Variants in KBTBD3 observed in about 807,000 individuals in gnomAD.
KBTBD3 encodes the protein kelch repeat and BTB domain containing 3, also known as kelch repeat and BTB domain-containing protein 3.
In KBTBD3, 38 loss-of-function variants were observed where a neutral mutation model predicts 49.6. The observed-to-expected ratio is 0.77, with a 90% confidence interval of 0.59 to 1.00. The LOEUF (loss-of-function observed/expected upper bound fraction) is 1.00, where lower values mean the gene tolerates loss of function less well. Ranked by LOEUF, KBTBD3 falls within the 50% of genes least tolerant of loss-of-function variation. KBTBD3 has a pLI of 0.00. For missense variants in KBTBD3, 661 were observed against 712.0 expected, an observed-to-expected ratio of 0.93 and a Z score of 0.81; for synonymous variants, 214 against 250.4, an observed-to-expected ratio of 0.85 and a Z score of 1.37.
At chr11:106,066,061 T>A (rs566479726) in intron 2 of KBTBD3, among the ~76,000 whole-genome samples, 1 of 152,142 alleles carries the variant, frequency 6.6e-6, no homozygotes, top group East Asian at 1.9e-4. Flanking sequence ...AACTTGTGCA[T>A]GTTAATAAAC....
At chr11:106,072,372 T>C (rs973415768) in intron 2 of KBTBD3, among the ~76,000 whole-genome samples, 6 of 152,160 alleles carry the variant, frequency 3.9e-5, no homozygotes, top group Non-Finnish European at 7.4e-5. Context: ...ATGATTTTTT[T>C]AAAAGGGGGC....
chr11:106,055,573 C>A (rs189474086), intron 3 of KBTBD3, among the ~76,000 whole-genome samples: 35 of 152,144 alleles, frequency 2.3e-4, no homozygotes, highest in African/African-American at 8.4e-4. Context: ...TATTAAGACA[C>A]CTACAGCAGT....
chr11:106,057,161 G>A lies in KBTBD3; in HGVS notation c.233+1704C>T, dbSNP rs1860569761. Among the ~76,000 whole-genome samples, 3 of 152,080 alleles carry A rather than the reference G, an allele frequency of 2.0e-5. No homozygotes were observed. The South Asian group carries it at 6.2e-4, about 31-fold the overall frequency. ...GGAACAGGTGTTTAGCAGGAAGTAT[G>A]TATCAGTAAATGTTTGTTGAATGAA... On this transcript the variant is annotated intron_variant, in intron 3 of 3. Transcript: ENST00000531837.
intron 3 of KBTBD3, chr11:106,057,735 T>C (rs563165842): frequency 3.5e-5 from 9 of 253,988 alleles, no homozygotes; most frequent in Non-Finnish European, 6.6e-5. Flanking sequence ...AAATGCCTTA[T>C]AGCTAAGAAG....
chr11:106,070,256 T>C (rs1010597238), intron 2 of KBTBD3, among the ~76,000 whole-genome samples: 2 of 152,054 alleles, frequency 1.3e-5, no homozygotes, highest in African/African-American at 4.8e-5. Context: ...GATTGGATTT[T>C]ATATCAAAAT....
chr11:106,064,505 T>C (rs528411108), intron 2 of KBTBD3, among the ~76,000 whole-genome samples: 3 of 149,472 alleles, frequency 2.0e-5, no homozygotes, highest in South Asian at 4.2e-4. Context: ...GATCATGCCA[T>C]TGCACTCCAG....
At chr11:106,072,882 T>C (rs540721611) in intron 2 of KBTBD3, among the ~76,000 whole-genome samples, 64 of 152,314 alleles carry the variant, frequency 4.2e-4, no homozygotes, top group African/African-American at 1.5e-3. Flanking sequence ...ACAGACATGG[T>C]CCCTGCTTTT....
chr11:106,060,761 G>T (rs1033891507), intron 2 of KBTBD3, among the ~76,000 whole-genome samples: 1 of 152,162 alleles, frequency 6.6e-6, no homozygotes, highest in Non-Finnish European at 1.5e-5. Flanking sequence ...AACACCAAAA[G>T]CAATTGCAAC....
At chr11:106,057,995 G>A (rs1860588903) in intron 3 of KBTBD3, 1 of 398,434 alleles carries the variant, frequency 2.5e-6, no homozygotes, top group East Asian at 3.6e-5. Context: ...TTCTGTCCCA[G>A]CGTAGTTCAA....
chr11:106,051,868 T>A lies in KBTBD3; in HGVS notation c.*982A>T, dbSNP rs544249086. The stretch of plus-strand genomic sequence containing the variant: ...CATAGTGCTTTATAGTTGGTATACA[T>A]CATCACAGAAAATTGATATGGTACT... On this transcript the variant is annotated 3_prime_UTR_variant, in exon 4 of 4. Transcript: ENST00000531837. 3.3e-5 allele frequency: 5 copies of A among 151,994 alleles called. No homozygotes were observed. The highest frequency in any genetic ancestry group is 1.3e-4 in the Admixed American group (2 of 15,238). The allele number at this position is 151,994 out of a possible 1,614,324, so 9.4% of individuals were successfully genotyped here. A position where few individuals can be genotyped will look rare whatever the true frequency, so the allele number is the denominator to read the frequency against.
intron 2 of KBTBD3, among the ~76,000 whole-genome samples, chr11:106,066,641 A>C (rs1014482705): frequency 2.0e-5 from 3 of 151,972 alleles, no homozygotes; most frequent in African/African-American, 7.2e-5. Flanking sequence ...GATGACATAC[A>C]TGATAATACC....
In KBTBD3 at chr11:106,052,670, T is replaced by G; in HGVS notation, c.*180A>C. 1 of 528,054 alleles carries G rather than the reference T, an allele frequency of 1.9e-6. No individual in the cohort carries two copies. The highest frequency in any genetic ancestry group is 3.1e-5 in the East Asian group (1 of 32,712). 32.7% of individuals were successfully genotyped at this position (528,054 alleles called of 1,614,324 possible). On this transcript the variant is annotated 3_prime_UTR_variant, in exon 4 of 4. Coordinates refer to ENST00000531837, the MANE Select transcript of KBTBD3 (RefSeq NM_198439.3). ...AGGTTAAATTATATTCAGTATAATT[T>G]TTGGTAAAATATATTTTGTATTTTA...
At chr11:106,057,235 T>G (rs1041492744) in intron 3 of KBTBD3, among the ~76,000 whole-genome samples, 2 of 152,120 alleles carry the variant, frequency 1.3e-5, no homozygotes, top group African/African-American at 2.4e-5. Context: ...GAGATCTAAT[T>G]AGATGGTGGT....
At chr11:106,063,332 A>G (rs1415135432) in intron 2 of KBTBD3, among the ~76,000 whole-genome samples, 1 of 152,246 alleles carries the variant, frequency 6.6e-6, no homozygotes, top group Non-Finnish European at 1.5e-5. Flanking sequence ...TTCAACCTAT[A>G]AAAGCTTGCT....
At chr11:106,071,901 A>C (rs1054306637) in intron 2 of KBTBD3, among the ~76,000 whole-genome samples, 1 of 152,200 alleles carries the variant, frequency 6.6e-6, no homozygotes, top group Admixed American at 6.5e-5. Context: ...TTAATGATTA[A>C]AATCAATAAC....
chr11:106,063,378 T>C (rs1719410929), intron 2 of KBTBD3, among the ~76,000 whole-genome samples: 1 of 152,252 alleles, frequency 6.6e-6, no homozygotes, highest in South Asian at 2.1e-4. Flanking sequence ...CTGAACCTCC[T>C]TCAGTTTTGA....
rs367787369 is a variant in KBTBD3 at position 106,052,814 on chromosome 11, C to G, written c.*36G>C. The G allele has an allele frequency of 4.6e-6, 7 of 1,537,174 alleles. No individual in the cohort carries two copies. The highest frequency in any genetic ancestry group is 6.2e-6 in the Non-Finnish European group (7 of 1,137,152). On this transcript the variant is annotated 3_prime_UTR_variant, in exon 4 of 4. Coordinates refer to ENST00000531837, the MANE Select transcript of KBTBD3 (RefSeq NM_198439.3). ...CCTATCATTTTGGTTAACAAATTTA[C>G]TTTAGGTTACTAGAACTGGACTCGT...
chr11:106,072,707 C>T (rs1860943593), intron 2 of KBTBD3, among the ~76,000 whole-genome samples: 1 of 152,170 alleles, frequency 6.6e-6, no homozygotes, highest in African/African-American at 2.4e-5. Flanking sequence ...TGTGCTCTGC[C>T]TGATCTGGGC....
In KBTBD3 at chr11:106,053,691, G is replaced by A. The variant is rs753385114; in HGVS notation, c.998C>T (p.Pro333Leu). The stretch of plus-strand genomic sequence containing the variant: ...TCCGTAACTCGAAAGACTAGATCCT[G>A]GCAAATCAATCAGGTGTGATTGCGG... ...ILPQSHLIDL[P>L]GSSLSSYGEK... Residue 333 changes from proline (P) to leucine (L), a missense_variant, in exon 4 of 4, where the codon CCA becomes CTA. Coordinates refer to ENST00000531837, the MANE Select transcript of KBTBD3 (RefSeq NM_198439.3). The A allele has an allele frequency of 6.2e-7, 1 of 1,613,578 alleles. No individual in the cohort carries two copies. Among genetic ancestry groups the A allele is most frequent in the South Asian group, 1.1e-5 (1 of 91,064 alleles).
Sources: allele counts gnomAD v4.1 joint callset (sites outside exome capture counted in the v4.1 genomes callset), GRCh38; gene constraint gnomAD v4.1.1; transcripts MANE v1.5; gene names NCBI Gene and HGNC (gene_info 2026-07-23, HGNC 2026-07-21).